The following DDOST variants were observed in gnomAD, a reference collection of about 807,000 sequenced individuals.
DDOST encodes the protein dolichyl-diphosphooligosaccharide--protein glycosyltransferase 48 kDa subunit.
A neutral mutation model predicts 47.6 loss-of-function variants in DDOST; 25 were observed. The observed-to-expected ratio is 0.53, with a 90% CI of 0.38 to 0.73. The LOEUF is 0.73. Ranked by LOEUF, DDOST falls within the 30% of genes least tolerant of loss-of-function variation. The pLI is 0.00. For synonymous variants in DDOST, 275 were observed against 236.0 expected, an observed-to-expected ratio of 1.17 and a Z score of -1.51; for missense variants, 526 against 573.9, an observed-to-expected ratio of 0.92 and a Z score of 0.85.
chr1:20,653,673 A>C lies in DDOST; in HGVS notation c.896T>G (p.Val299Gly). ...GGCATTGGGTGGGGCTGTCTCGCCC[A>C]CCCGATGATGGGACACAGGCCCCAC... ...LRVGPVSHHR[V>G]GETAPPNAYT... Residue 299 changes from valine (V) to glycine (G), a missense_variant, in exon 8 of 11, where the codon GTG becomes GGG. Physicochemically the swap from Val to Gly is moderately radical, Grantham distance 109 (BLOSUM62 -3). Coordinates refer to ENST00000602624, the MANE Select transcript of DDOST (RefSeq NM_005216.5). The C allele has an allele frequency of 6.2e-7, 1 of 1,613,704 alleles. No individual in the cohort carries two copies. The highest frequency in any genetic ancestry group is 1.3e-5 in the African/African-American group (1 of 75,036).
Position 20,654,373 on chromosome 1 carries a change from T to C in DDOST, c.646-2A>G. On this transcript the variant is annotated splice_acceptor_variant, in intron 6 of 10. Transcript: ENST00000602624. LOFTEE classifies it high-confidence loss of function. ...GTTCTTCCCCACCGCATGTGGATAC[T>C]GGGAACAAAACGAGGCTGTGACCCA... The C allele has an allele frequency of 1.3e-6, 2 of 1,558,710 alleles. No individual in the cohort carries two copies. Among genetic ancestry groups the C allele is most frequent in the South Asian group, 1.2e-5 (1 of 84,622 alleles).
Position 20,661,232 on chromosome 1 carries a change from C to G in DDOST, c.119G>C (p.Arg40Pro). ...TLVLLDNLNV[R>P]ETHSLFFRSL... Reference sequence around the variant, plus strand: ...CCGGAAGAAAAGCGAATGAGTCTCCCGCACGTTGAGGTTGTCCAGCAGCAC... The same window carrying G: ...CCGGAAGAAAAGCGAATGAGTCTCCGGCACGTTGAGGTTGTCCAGCAGCAC... The change falls in exon 1 of 11, where the codon CGG (arginine) becomes CCG (proline). Residue 40 changes from arginine (R) to proline (P), a missense_variant. Coordinates refer to ENST00000602624, the MANE Select transcript of DDOST (RefSeq NM_005216.5). 6.2e-7 allele frequency: 1 copy of G among 1,614,050 alleles called. No individual in the cohort carries two copies. Among genetic ancestry groups the G allele is most frequent in the Non-Finnish European group, 8.5e-7 (1 of 1,180,022 alleles).
rs2053287694 is a variant in DDOST, at chr1:20,651,801, T to TTTTATTTATTTATTTATTTATATTTA, written c.*577_*578insTAAATATAAATAAATAAATAAATAAA. ...GTTTGAGGGCAACATCTCGCTTTAT[T>TTTTATTTATTTATTTATTTATATTTA]TTTATTTATTTATTTATTTATTTAT... On this transcript the variant is annotated 3_prime_UTR_variant, in exon 11 of 11. Coordinates refer to ENST00000602624, the MANE Select transcript of DDOST (RefSeq NM_005216.5). The TTTTATTTATTTATTTATTTATATTTA allele has an allele frequency of 1.4e-5, 2 of 147,120 alleles. No homozygotes were observed. The highest frequency in any genetic ancestry group is 5.0e-5 in the African/African-American group (2 of 39,712). The allele number at this position is 147,120 out of a possible 1,614,324, so 9.1% of individuals were successfully genotyped here. A position where few individuals can be genotyped will look rare whatever the true frequency, so the allele number is the denominator to read the frequency against.
intron 5 of DDOST, among the ~76,000 whole-genome samples, chr1:20,654,967 C>A (rs2053352346): frequency 6.6e-6 from 1 of 152,156 alleles, no homozygotes; most frequent in Non-Finnish European, 1.5e-5. Context: ...TCAAGCAATT[C>A]TCTTGCATCA....
intron 7 of DDOST, among the ~76,000 whole-genome samples, chr1:20,653,980 C>A (rs2053332297): frequency 6.6e-6 from 1 of 152,166 alleles, no homozygotes; most frequent in South Asian, 2.1e-4. Context: ...ACAACAAATA[C>A]ACAAATTTCT....
rs6893 is a variant in DDOST at position 20,652,339 on chromosome 1, T to C, written c.*40A>G. 0.87 allele frequency: 1,330,495 copies of C among 1,529,674 alleles called. 579,708 individuals carry two copies. Among genetic ancestry groups the C allele is most frequent in the Middle Eastern group, 0.91 (5,192 of 5,678 alleles). 94.8% of individuals were successfully genotyped at this position (1,529,674 alleles called of 1,614,324 possible). ...CCACCAATCCTAATAACCCCCCTCC[T>C]TGCCCCGTCTCCACGCTGTGCGGAG... On this transcript the variant is annotated 3_prime_UTR_variant, in exon 11 of 11. Transcript: ENST00000602624.
Position 20,652,365 on chromosome 1 carries a change from A to T in DDOST, c.*14T>A. On this transcript the variant is annotated 3_prime_UTR_variant, in exon 11 of 11. Transcript: ENST00000602624. ...TGCCCCGTCTCCACGCTGTGCGGAG[A>T]GGGCTCTAGCCCCTCAGTCGGACTT... 3 of 1,602,304 alleles carry T rather than the reference A, an allele frequency of 1.9e-6. No individual in the cohort carries two copies. Among genetic ancestry groups the T allele is most frequent in the Non-Finnish European group, 1.7e-6 (2 of 1,174,588 alleles).
At position 20,654,722 on chromosome 1, in the gene DDOST, G is replaced by A; in HGVS notation, c.552-15C>T. 1.3e-6 allele frequency: 2 copies of A among 1,542,072 alleles called. No homozygotes were observed. The highest frequency in any genetic ancestry group is 1.8e-6 in the Non-Finnish European group (2 of 1,138,766). On this transcript the variant is annotated splice_polypyrimidine_tract_variant and intron_variant, in intron 5 of 10. Transcript: ENST00000602624. Reference sequence around the variant, plus strand: ...CGGCCACCATCCTGCAGCAGGACGAGAGCAGCCCAGCACTGGCCCCAGGAA... The same window carrying A: ...CGGCCACCATCCTGCAGCAGGACGAAAGCAGCCCAGCACTGGCCCCAGGAA...
At chr1:20,653,489 G>T in intron 8 of DDOST, 138 bp downstream of exon 8, 1 of 852,754 alleles carries the variant, frequency 1.2e-6, no homozygotes, top group Non-Finnish European at 1.7e-6. Flanking sequence ...CACCTGGCAT[G>T]CTTAGGTGTA....
At chr1:20,659,228 C>T (rs528481180) in intron 2 of DDOST, among the ~76,000 whole-genome samples, 34 of 151,382 alleles carry the variant, frequency 2.2e-4, no homozygotes, top group African/African-American at 7.5e-4. Flanking sequence ...ACAGGAGATA[C>T]GTAACATGGT....
At chr1:20,654,465 C>A in intron 6 of DDOST, 94 bp from the exon 7 acceptor site, 1 of 1,457,278 alleles carries the variant, frequency 6.9e-7, no homozygotes, top group Non-Finnish European at 9.4e-7. Context: ...CAGACCAAAA[C>A]GACCCTGGCC....
chr1:20,658,721 G>A (rs1438230203), intron 2 of DDOST, among the ~76,000 whole-genome samples: 1 of 152,124 alleles, frequency 6.6e-6, no homozygotes, highest in Admixed American at 6.6e-5. Flanking sequence ...AGAACTTACG[G>A]GTGTTGTTTT....
At position 20,655,704 on chromosome 1, in the gene DDOST, T is replaced by C; in HGVS notation, c.428A>G (p.His143Arg). Residue 143 changes from histidine to arginine, a missense_variant, in exon 4 of 11, where the codon CAC becomes CGC. His to Arg is a conservative substitution (Grantham distance 29, BLOSUM62 0). Coordinates refer to ENST00000602624, the MANE Select transcript of DDOST (RefSeq NM_005216.5). ...GCCAAGGTCTGAGATGTCATAGTTG[T>C]GATGGTCAATGACAGCCGTTTTCTC... The part of the protein sequence containing the change: ...DEEKTAVIDH[H>R]NYDISDLGQH... 1 of 1,614,042 alleles carries C rather than the reference T, an allele frequency of 6.2e-7. No individual in the cohort carries two copies. Among genetic ancestry groups the C allele is most frequent in the Non-Finnish European group, 8.5e-7 (1 of 1,179,900 alleles).
At chr1:20,654,184 C>A in intron 7 of DDOST, 39 bp downstream of exon 7, 1 of 1,549,248 alleles carries the variant, frequency 6.5e-7, no homozygotes, top group Non-Finnish European at 8.7e-7. Context: ...ACACACTGCA[C>A]CACCCGGATC....
intron 7 of DDOST, 148 bp downstream of exon 7, chr1:20,654,075 A>G: frequency 9.8e-7 from 1 of 1,020,652 alleles, no homozygotes; most frequent in Non-Finnish European, 1.4e-6. Context: ...CAATATAGCA[A>G]TAAAGCCCTG....
At position 20,653,646 on chromosome 1, in the gene DDOST, T is replaced by A; in HGVS notation, c.923A>T (p.Tyr308Phe). 1 of 1,609,988 alleles carries A rather than the reference T, an allele frequency of 6.2e-7. No homozygotes were observed. The highest frequency in any genetic ancestry group is 8.5e-7 in the Non-Finnish European group (1 of 1,177,292). ...RVGETAPPNA[Y>F]TVTDLVEYSI... ...TCTTACCACTAGGTCAGTGACAGTG[T>A]AGGCATTGGGTGGGGCTGTCTCGCC... The change falls in exon 8 of 11, where the codon TAC becomes TTC. Residue 308 changes from tyrosine to phenylalanine, a missense_variant. By Grantham distance (22) the Tyr-to-Phe change is conservative. Transcript: ENST00000602624.
chr1:20,655,373 C>A, intron 5 of DDOST, 67 bp downstream of exon 5: 2 of 1,300,276 alleles, frequency 1.5e-6, no homozygotes, highest in South Asian at 1.2e-5. Flanking sequence ...CCTTGATTTC[C>A]CAAAAAAATT....
intron 2 of DDOST, 90 bp from the exon 3 acceptor site, chr1:20,656,277 G>T: frequency 1.0e-6 from 1 of 995,798 alleles, no homozygotes; most frequent in Non-Finnish European, 1.6e-6. Flanking sequence ...GGGCAGAGCA[G>T]CCACGATCAC....
intron 6 of DDOST, 120 bp from the exon 7 acceptor site, chr1:20,654,491 G>T: frequency 1.4e-6 from 2 of 1,395,238 alleles, no homozygotes; most frequent in Non-Finnish European, 2.0e-6. Context: ...TGAAGGGGGA[G>T]CCTGAGACCA....
Sources: allele counts gnomAD v4.1 joint callset (sites outside exome capture counted in the v4.1 genomes callset), GRCh38; gene constraint gnomAD v4.1.1; transcripts MANE v1.5; gene names NCBI Gene and HGNC (gene_info 2026-07-23, HGNC 2026-07-21).